Variants in CYTH1 observed in about 807,000 individuals in gnomAD.
The protein encoded by CYTH1 is cytohesin-1.
In CYTH1, 18 loss-of-function variants were observed where a neutral mutation model predicts 61.8. The observed-to-expected ratio is 0.29, with a 90% CI of 0.20 to 0.43. The LOEUF (loss-of-function observed/expected upper bound fraction) is 0.43, where lower values mean the gene tolerates loss of function less well. CYTH1 is among the 20% of genes least tolerant of loss of function. The probability of loss-of-function intolerance (pLI) is 1.00; values close to 1 mark genes in which losing one functional copy is unlikely to be tolerated. For synonymous variants in CYTH1, 174 were observed against 184.3 expected (o/e 0.94, Z 0.45); for missense variants, 336 against 510.5 (o/e 0.66, Z 3.29).
chr17:78,697,819 G>A (rs2144251791), intron 9 of CYTH1, among the ~76,000 whole-genome samples: 1 of 152,276 alleles, frequency 6.6e-6, no homozygotes, highest in East Asian at 1.9e-4. Flanking sequence ...CACCCTCCCA[G>A]TGGTTATGGG....
At chr17:78,689,692 C>G (rs1464941005) in intron 11 of CYTH1, among the ~76,000 whole-genome samples, 2 of 152,214 alleles carry the variant, frequency 1.3e-5, no homozygotes, top group Non-Finnish European at 2.9e-5. Flanking sequence ...ATGGGAGACC[C>G]TCCATGGACA....
At chr17:78,730,130 C>A (rs778046002) in intron 1 of CYTH1, among the ~76,000 whole-genome samples, 3 of 152,048 alleles carry the variant, frequency 2.0e-5, no homozygotes, top group Non-Finnish European at 4.4e-5. Context: ...GCTGTGATTT[C>A]GTATGTGGTC....
chr17:78,718,218 T>TACAC (rs55803104), intron 1 of CYTH1, among the ~76,000 whole-genome samples: 3,662 of 128,298 alleles, frequency 0.029, 116 homozygotes, highest in African/African-American at 0.063. Context: ...AAACACTGAA[T>TACAC]ACACACACAC....
At position 78,705,094 on chromosome 17, in the gene CYTH1, T is replaced by C. The variant is rs190479375; in HGVS notation, c.171-2490A>G. Among the ~76,000 whole-genome samples, 7 of 152,330 alleles carry C rather than the reference T, an allele frequency of 4.6e-5. No individual in the cohort carries two copies. In the East Asian group the frequency reaches 9.6e-4, roughly 21 times the overall value. On this transcript the variant is annotated intron_variant, in intron 3 of 13. Coordinates refer to ENST00000446868, the MANE Select transcript of CYTH1 (RefSeq NM_004762.6). Reference sequence around the variant, plus strand: ...AATACCACAAGGAAGGCCTGTTTCATGGTTTCCAGTGTAAGTGGTGAGGCA... The same window carrying C: ...AATACCACAAGGAAGGCCTGTTTCACGGTTTCCAGTGTAAGTGGTGAGGCA...
chr17:78,692,297 C>A, intron 11 of CYTH1, 120 bp downstream of exon 11: 8 of 996,650 alleles, frequency 8.0e-6, no homozygotes, highest in Non-Finnish European at 1.1e-5. Context: ...AACTCTCCCC[C>A]ATCCCCCACA....
In CYTH1 at chr17:78,745,193, G is replaced by A. The variant is rs574573968; in HGVS notation, c.23-35461C>T. Among the ~76,000 whole-genome samples, 7 of 152,212 alleles carry A rather than the reference G, an allele frequency of 4.6e-5. No individual in the cohort carries two copies. The East Asian group carries it at 9.7e-4, about 21-fold the overall frequency. On this transcript the variant is annotated intron_variant, in intron 1 of 13. Coordinates refer to ENST00000446868, the MANE Select transcript of CYTH1 (RefSeq NM_004762.6). Reference sequence around the variant, plus strand: ...AGCCTGGGAGCATTGGGAAGACCTCGAAGAACTCTGGTTCAAGTAATTGCT... The same window carrying A: ...AGCCTGGGAGCATTGGGAAGACCTCAAAGAACTCTGGTTCAAGTAATTGCT...
chr17:78,697,042 G>A (rs1348941396), intron 9 of CYTH1, among the ~76,000 whole-genome samples: 2 of 152,192 alleles, frequency 1.3e-5, no homozygotes, highest in East Asian at 1.9e-4. Flanking sequence ...AAGTGGTGCT[G>A]TAAGGGGAAT....
At chr17:78,695,211 G>A (rs2092926372) in intron 10 of CYTH1, among the ~76,000 whole-genome samples, 2 of 152,174 alleles carry the variant, frequency 1.3e-5, no homozygotes. Flanking sequence ...ATGGAGAGGA[G>A]ACACCAAAAC....
intron 1 of CYTH1, among the ~76,000 whole-genome samples, chr17:78,747,317 G>A (rs2093363493): frequency 6.6e-6 from 1 of 152,046 alleles, no homozygotes; most frequent in African/African-American, 2.4e-5. Context: ...TTAAGAAAAT[G>A]CACACTCTCA....
intron 1 of CYTH1, among the ~76,000 whole-genome samples, chr17:78,750,859 G>GT (rs1470906920): frequency 2.0e-5 from 3 of 151,708 alleles, no homozygotes; most frequent in Non-Finnish European, 4.4e-5. Flanking sequence ...AGACTAAACC[G>GT]TTGCTCCTAG....
chr17:78,690,128 G>A (rs762749242), intron 11 of CYTH1, among the ~76,000 whole-genome samples: 1 of 151,840 alleles, frequency 6.6e-6, no homozygotes, highest in Non-Finnish European at 1.5e-5. Flanking sequence ...TCCTCTCTGT[G>A]TCTTAAGAAA....
At chr17:78,708,399 T>G in intron 2 of CYTH1, 138 bp from the exon 3 acceptor site, 1 of 779,060 alleles carries the variant, frequency 1.3e-6, no homozygotes, top group Non-Finnish European at 2.1e-6. Context: ...ATGCAAAAAG[T>G]AAATTAGGAA....
intron 3 of CYTH1, 60 bp from the exon 4 acceptor site, chr17:78,702,664 C>CT: frequency 1.3e-6 from 2 of 1,526,500 alleles, no homozygotes; most frequent in Admixed American, 3.4e-5. Flanking sequence ...GCTTGAAAGA[C>CT]TAATATGATT....
At chr17:78,723,116 C>T (rs1292781631) in intron 1 of CYTH1, 1 of 152,564 alleles carries the variant, frequency 6.6e-6, no homozygotes, top group African/African-American at 2.4e-5. Flanking sequence ...CACATCAGCT[C>T]CTACTGCTGG....
chr17:78,698,302 T>C lies in CYTH1; in HGVS notation c.778A>G (p.Asn260Asp). 1 of 1,613,548 alleles carries C rather than the reference T, an allele frequency of 6.2e-7. No individual in the cohort carries two copies. The highest frequency in any genetic ancestry group is 8.5e-7 in the Non-Finnish European group (1 of 1,179,870). The change falls in exon 9 of 14, where the codon AAT (asparagine) becomes GAT (aspartate). Residue 260 changes from asparagine to aspartate, a missense_variant. By Grantham distance (23) the Asn-to-Asp change is conservative. Transcript: ENST00000446868. ...AATAGCCAGCCTTCTCGGTCTGGAT[T>C]GAAGAAAGTGTGAGTGAGGTCATTC... Reference protein sequence around the residue: ...DGNDLTHTFFNPDREGWLLKL... With the variant: ...DGNDLTHTFFDPDREGWLLKL...
intron 11 of CYTH1, among the ~76,000 whole-genome samples, chr17:78,684,968 A>C (rs1007748265): frequency 3.0e-4 from 46 of 152,190 alleles, no homozygotes; most frequent in African/African-American, 1.1e-3. Flanking sequence ...TGGGAGGCTG[A>C]GGCGGGCAGA....
At chr17:78,763,113 G>A (rs986453482) in intron 1 of CYTH1, among the ~76,000 whole-genome samples, 2 of 151,952 alleles carry the variant, frequency 1.3e-5, no homozygotes, top group African/African-American at 4.8e-5. Flanking sequence ...GGAGGAAGAG[G>A]TATGTGGATC....
intron 1 of CYTH1, among the ~76,000 whole-genome samples, chr17:78,779,636 A>G (rs2093508660): frequency 6.6e-6 from 1 of 152,134 alleles, no homozygotes; most frequent in Non-Finnish European, 1.5e-5. Context: ...AAGGATCTTA[A>G]TAAGAGGGAG....
chr17:78,715,262 G>C (rs2144486854), intron 1 of CYTH1, among the ~76,000 whole-genome samples: 1 of 152,284 alleles, frequency 6.6e-6, no homozygotes, highest in Non-Finnish European at 1.5e-5. Flanking sequence ...TAGCGCAGTG[G>C]AACTTTCAAA....
Sources: gnomAD v4.1 joint callset for allele counts (sites outside exome capture counted in the v4.1 genomes callset) on GRCh38, gnomAD v4.1.1 for gene constraint, MANE v1.5 for transcripts, NCBI Gene and HGNC (gene_info 2026-07-23, HGNC 2026-07-21) for gene names.